PEPD: variants seen among roughly 807,000 people sequenced by gnomAD.
The protein encoded by PEPD is peptidase D.
In PEPD, 53 loss-of-function variants were observed where a neutral mutation model predicts 60.7. That is an observed-to-expected ratio of 0.87 (90% confidence interval 0.70 to 1.10). The LOEUF (loss-of-function observed/expected upper bound fraction) is 1.10, where lower values mean the gene tolerates loss of function less well. Ranked by LOEUF, PEPD falls within the 50% of genes least tolerant of loss-of-function variation. The probability of loss-of-function intolerance (pLI) is 0.00; values close to 1 mark genes in which losing one functional copy is unlikely to be tolerated. For synonymous variants in PEPD, 267 were observed against 284.1 expected (o/e 0.94, Z 0.60); for missense variants, 711 against 711.9 (o/e 1.00, Z 0.01).
intron 9 of PEPD, among the ~76,000 whole-genome samples, chr19:33,423,445 G>C (rs768770579): frequency 6.6e-6 from 1 of 152,168 alleles, no homozygotes; most frequent in Non-Finnish European, 1.5e-5. Flanking sequence ...AATTCTCAGG[G>C]CATGTTCTGC....
chr19:33,449,925 C>T (rs1370842987), intron 9 of PEPD, among the ~76,000 whole-genome samples: 2 of 152,196 alleles, frequency 1.3e-5, no homozygotes, highest in Non-Finnish European at 2.9e-5. Context: ...ATGCTTGCCT[C>T]TGGGAGTGAC....
At chr19:33,422,790 C>A (rs62102721) in intron 9 of PEPD, among the ~76,000 whole-genome samples, 1 of 78,390 alleles carries the variant, frequency 1.3e-5, no homozygotes, top group Non-Finnish European at 3.0e-5. Flanking sequence ...CCCTCCCTCC[C>A]TCTATCTATC....
intron 1 of PEPD, among the ~76,000 whole-genome samples, chr19:33,517,954 CAA>C (rs74174669): frequency 1.8e-4 from 22 of 119,592 alleles, no homozygotes; most frequent in South Asian, 2.7e-4. Flanking sequence ...GACTCCCTCT[CAA>C]AAAAAAAAAA....
At chr19:33,431,228 T>C (rs1276181822) in intron 9 of PEPD, among the ~76,000 whole-genome samples, 3 of 150,148 alleles carry the variant, frequency 2.0e-5, no homozygotes, top group Non-Finnish European at 4.4e-5. Context: ...AGGAGGGCAA[T>C]TCAAGCCCAA....
rs564981772 is a variant in PEPD, at chr19:33,474,085, G to A, written c.548+3961C>T. On this transcript the variant is annotated intron_variant, in intron 7 of 14. Coordinates refer to ENST00000244137, the MANE Select transcript of PEPD (RefSeq NM_000285.4). ...AAGCTGGGGTGCATGTGGGTGCCAAGGAAGCCAAGCATCTGCCCCCTGGTT... is the reference window on the plus strand; with the variant it reads ...AAGCTGGGGTGCATGTGGGTGCCAAAGAAGCCAAGCATCTGCCCCCTGGTT... Among the ~76,000 whole-genome samples, 5 of 152,332 alleles carry A rather than the reference G, an allele frequency of 3.3e-5. No individual in the cohort carries two copies. In the South Asian group the frequency reaches 1.0e-3, roughly 32 times the overall value.
chr19:33,480,840 G>GTGTGTA lies in PEPD; in HGVS notation c.504-2751_504-2750insTACACA, dbSNP rs151181225. Among the ~76,000 whole-genome samples, 139 of 150,974 alleles carry GTGTGTA rather than the reference G, an allele frequency of 9.2e-4. 1 individual carries two copies. The highest frequency in any genetic ancestry group is 1.2e-3 in the African/African-American group (50 of 41,096). On this transcript the variant is annotated intron_variant, in intron 6 of 14. Coordinates refer to ENST00000244137, the MANE Select transcript of PEPD (RefSeq NM_000285.4). ...TGTGTGTGTGTGTGTGTGTGTGTGTGTATATCAAAAACCTAACACGTAGCT... is the reference window on the plus strand; with the variant it reads ...TGTGTGTGTGTGTGTGTGTGTGTGTGTGTGTATATATCAAAAACCTAACACGTAGCT...
At chr19:33,469,495 G>A (rs1349578561) in intron 7 of PEPD, among the ~76,000 whole-genome samples, 1 of 152,146 alleles carries the variant, frequency 6.6e-6, no homozygotes, top group Non-Finnish European at 1.5e-5. Flanking sequence ...ACTTCTTGGA[G>A]CGCGCAGCAG....
At chr19:33,497,406 C>T (rs1278537825) in intron 4 of PEPD, among the ~76,000 whole-genome samples, 1 of 152,266 alleles carries the variant, frequency 6.6e-6, no homozygotes, top group East Asian at 1.9e-4. Context: ...AGGGCCTTCA[C>T]GGCAGAGCCT....
intron 4 of PEPD, among the ~76,000 whole-genome samples, chr19:33,495,942 C>G (rs1472529487): frequency 6.6e-6 from 1 of 152,114 alleles, no homozygotes; most frequent in East Asian, 1.9e-4. Flanking sequence ...GACTGCGCCA[C>G]TGCACCCCAG....
chr19:33,448,913 G>A (rs1041654903), intron 9 of PEPD, among the ~76,000 whole-genome samples: 2 of 152,258 alleles, frequency 1.3e-5, no homozygotes, highest in African/African-American at 4.8e-5. Context: ...AACTGCGTGT[G>A]TACTGGATGT....
intron 10 of PEPD, 137 bp from the exon 11 acceptor site, chr19:33,411,886 G>A (rs1568457940): frequency 1.4e-6 from 1 of 705,110 alleles, no homozygotes; most frequent in African/African-American, 1.8e-5. Context: ...GGCTGGACCA[G>A]GTCCACAGCC....
intron 9 of PEPD, among the ~76,000 whole-genome samples, chr19:33,439,047 G>A (rs1365465895): frequency 6.6e-6 from 1 of 152,236 alleles, no homozygotes; most frequent in Non-Finnish European, 1.5e-5. Context: ...CTCAAGGCCA[G>A]GCCAGTGGCA....
At chr19:33,496,455 C>T (rs549764779) in intron 4 of PEPD, among the ~76,000 whole-genome samples, 2 of 152,300 alleles carry the variant, frequency 1.3e-5, no homozygotes, top group South Asian at 4.1e-4. Context: ...ACTTCTGCGG[C>T]TGCAAAAACC....
chr19:33,422,415 T>TCTAC (rs540390568), intron 9 of PEPD, among the ~76,000 whole-genome samples: 1 of 125,214 alleles, frequency 8.0e-6, no homozygotes, highest in African/African-American at 3.1e-5. Flanking sequence ...TCACTCTAGA[T>TCTAC]CTACCTACCT....
chr19:33,411,339 C>T (rs1968766478), intron 11 of PEPD, among the ~76,000 whole-genome samples: 1 of 152,164 alleles, frequency 6.6e-6, no homozygotes, highest in African/African-American at 2.4e-5. Context: ...GCGTGGTGCC[C>T]CCTGAACGGA....
At chr19:33,392,741 G>A (rs1968255199) in intron 12 of PEPD, among the ~76,000 whole-genome samples, 2 of 152,216 alleles carry the variant, frequency 1.3e-5, no homozygotes, top group Non-Finnish European at 2.9e-5. Context: ...GGGAGGGGCC[G>A]GGGAGACCCT....
chr19:33,404,457 A>AAACAACAAC (rs57961062), intron 11 of PEPD, among the ~76,000 whole-genome samples: 1 of 151,250 alleles, frequency 6.6e-6, no homozygotes, highest in Non-Finnish European at 1.5e-5. Context: ...ATCGTTTAAA[A>AAACAACAAC]AACAACAACA....
intron 13 of PEPD, chr19:33,388,972 G>C (rs1441399995): frequency 2.0e-5 from 3 of 152,576 alleles, no homozygotes; most frequent in Admixed American, 1.3e-4. Context: ...CTGAGCCAGT[G>C]GGCACGAGTA....
At chr19:33,393,255 C>T (rs1333082461) in intron 12 of PEPD, among the ~76,000 whole-genome samples, 2 of 92,232 alleles carry the variant, frequency 2.2e-5, no homozygotes, top group South Asian at 4.0e-4. Flanking sequence ...TGGGGTCTGG[C>T]GTGGGGGAGG....
Sources: allele counts gnomAD v4.1 joint callset (sites outside exome capture counted in the v4.1 genomes callset), GRCh38; gene constraint gnomAD v4.1.1; transcripts MANE v1.5; gene names NCBI Gene and HGNC (gene_info 2026-07-23, HGNC 2026-07-21).